MINK1: variants seen among roughly 807,000 people sequenced by gnomAD.
MINK1 encodes misshapen like kinase 1, also known as misshapen-like kinase 1.
A neutral mutation model predicts 178.4 loss-of-function variants in MINK1; 46 were observed. The ratio of observed to expected loss-of-function variants is 0.26; its 90% CI spans 0.20 to 0.33. The LOEUF is 0.33. Ranked by LOEUF, MINK1 falls within the 10% of genes least tolerant of loss-of-function variation. The pLI, the probability that MINK1 is intolerant of heterozygous loss-of-function variation, is 1.00. For missense variants in MINK1, 1,366 were observed against 1,814.9 expected (o/e 0.75, Z 4.49); for synonymous variants, 797 against 709.7 (o/e 1.12, Z -1.96).
chr17:4,852,290 C>A (rs952932925), intron 1 of MINK1, among the ~76,000 whole-genome samples: 1 of 152,070 alleles, frequency 6.6e-6, no homozygotes. Context: ...TGTATTCATT[C>A]ATTCCACAGA....
chr17:4,839,178 T>C (rs949329220), intron 1 of MINK1, among the ~76,000 whole-genome samples: 12 of 152,074 alleles, frequency 7.9e-5, no homozygotes, highest in Admixed American at 2.6e-4. Context: ...CTCCTGACCT[T>C]GTAATCTGCC....
chr17:4,896,545 T>G lies in MINK1; in HGVS notation c.3732T>G (p.Ile1244Met), dbSNP rs779379071. ...GVYVNTYGRI[I>M]KDVVLQWGEM... ...ACGTCAACACGTACGGGCGCATCAT[T>G]AAGGATGTGGTGCTGCAGTGGGGGG... is the stretch of plus-strand genomic sequence containing the variant. The change falls in exon 30 of 32, where the codon ATT (isoleucine) becomes ATG (methionine). Residue 1244 changes from isoleucine (I) to methionine (M), a missense_variant. Physicochemically the swap from Ile to Met is conservative, Grantham distance 10 (BLOSUM62 1). Coordinates refer to ENST00000355280, the MANE Select transcript of MINK1 (RefSeq NM_153827.5). This position sits in a 1 kb window ranked among gnomAD's most constrained non-coding sequence, Gnocchi z 4.6. 1.2e-6 allele frequency: 2 copies of G among 1,613,890 alleles called. No individual in the cohort carries two copies. Among genetic ancestry groups the G allele is most frequent in the Non-Finnish European group, 8.5e-7 (1 of 1,179,858 alleles).
In MINK1 at chr17:4,885,695, G is replaced by A; in HGVS notation, c.639+82G>A. On this transcript the variant is annotated intron_variant, in intron 7 of 31. Transcript: ENST00000355280. This position sits in a 1 kb window ranked among gnomAD's most constrained non-coding sequence, Gnocchi z 5.0. ...GACCACGGGGCCTGAGCAGGCTGGG[G>A]AACAGAGGAAGGTCAGATGATGTTA... 1 of 1,570,254 alleles carries A rather than the reference G, an allele frequency of 6.4e-7. No individual in the cohort carries two copies. The highest frequency in any genetic ancestry group is 8.7e-7 in the Non-Finnish European group (1 of 1,150,560).
chr17:4,834,521 G>T (rs1326325085), intron 1 of MINK1, among the ~76,000 whole-genome samples: 1 of 152,250 alleles, frequency 6.6e-6, no homozygotes, highest in Non-Finnish European at 1.5e-5. Context: ...AAGGAAAGGG[G>T]TTGAGAGGAA....
At chr17:4,891,839 G>T (rs776844443) in intron 16 of MINK1, 123 bp downstream of exon 16, 3 of 1,360,434 alleles carry the variant, frequency 2.2e-6, no homozygotes, top group Non-Finnish European at 2.9e-6. Flanking sequence ...AAGCCAGGGC[G>T]CTGCCCTGCC....
chr17:4,881,359 A>C (rs1597510975), intron 4 of MINK1, 102 bp downstream of exon 4: 1 of 1,313,758 alleles, frequency 7.6e-7, no homozygotes, highest in Non-Finnish European at 1.0e-6. Flanking sequence ...CTTGCCAGCT[A>C]CCCTCCCTCC....
At chr17:4,878,292 G>A (rs1967376897) in intron 1 of MINK1, 25 bp from the exon 2 acceptor site, 1 of 1,533,930 alleles carries the variant, frequency 6.5e-7, no homozygotes, top group East Asian at 2.4e-5. Context: ...TCTTGACACA[G>A]TATTCTTCTG....
chr17:4,849,973 G>A (rs1361817903), intron 1 of MINK1, among the ~76,000 whole-genome samples: 1 of 151,870 alleles, frequency 6.6e-6, no homozygotes, highest in Non-Finnish European at 1.5e-5. Flanking sequence ...TTGAGACACT[G>A]TCTCCCTCTG....
chr17:4,890,875 T>A, intron 14 of MINK1, 76 bp from the exon 15 acceptor site: 1 of 1,540,366 alleles, frequency 6.5e-7, no homozygotes, highest in Non-Finnish European at 8.8e-7. Flanking sequence ...GCGGGAGTAG[T>A]TAGGGCAGGT....
intron 4 of MINK1, 77 bp from the exon 5 acceptor site, chr17:4,884,286 T>C: frequency 8.9e-7 from 1 of 1,128,554 alleles, no homozygotes; most frequent in Non-Finnish European, 1.3e-6. Flanking sequence ...TCCAGGAGTC[T>C]AGCAGGGGAT....
intron 1 of MINK1, chr17:4,857,419 G>A (rs1267212420): frequency 6.6e-6 from 1 of 151,896 alleles, no homozygotes; most frequent in African/African-American, 2.4e-5. Context: ...GGCAGAGAGT[G>A]AGTGCAAAGA....
At chr17:4,861,702 T>C (rs1037940058) in intron 1 of MINK1, 3 of 292,764 alleles carry the variant, frequency 1.0e-5, no homozygotes, top group Admixed American at 7.5e-5. Context: ...AGTTTCACCA[T>C]GTTGGCCAGG....
intron 1 of MINK1, among the ~76,000 whole-genome samples, chr17:4,849,528 G>T (rs1189223804): frequency 6.6e-6 from 1 of 152,108 alleles, no homozygotes; most frequent in Non-Finnish European, 1.5e-5. Flanking sequence ...CCCCACCCCT[G>T]CTCCTCCCTT....
chr17:4,866,435 C>CACTGT (rs1914974311), intron 1 of MINK1, among the ~76,000 whole-genome samples: 1 of 151,354 alleles, frequency 6.6e-6, no homozygotes, highest in Non-Finnish European at 1.5e-5. Flanking sequence ...CCACTGAACT[C>CACTGT]CAGCCTGGTG....
At chr17:4,868,638 T>C (rs1473797432) in intron 1 of MINK1, among the ~76,000 whole-genome samples, 1 of 152,266 alleles carries the variant, frequency 6.6e-6, no homozygotes, top group Non-Finnish European at 1.5e-5. Context: ...AGATATGCCA[T>C]ATTTTATGTA....
intron 1 of MINK1, among the ~76,000 whole-genome samples, chr17:4,851,683 C>T (rs1032346558): frequency 3.8e-4 from 58 of 152,014 alleles, no homozygotes; most frequent in African/African-American, 1.2e-3. Flanking sequence ...TTGCCAACCA[C>T]GTAGGAATTC....
At chr17:4,857,781 T>C (rs974780926) in intron 1 of MINK1, among the ~76,000 whole-genome samples, 1 of 152,022 alleles carries the variant, frequency 6.6e-6, no homozygotes, top group Non-Finnish European at 1.5e-5. Flanking sequence ...ATGCTCTTTC[T>C]TACCACACAC....
chr17:4,889,550 C>T, intron 12 of MINK1, 97 bp from the exon 13 acceptor site: 2 of 1,045,586 alleles, frequency 1.9e-6, no homozygotes, highest in Middle Eastern at 2.5e-4. Flanking sequence ...TACCACCCTC[C>T]GTGGTGAGCA....
intron 1 of MINK1, among the ~76,000 whole-genome samples, chr17:4,839,602 T>G (rs1264153792): frequency 6.6e-6 from 1 of 152,216 alleles, no homozygotes; most frequent in Admixed American, 6.5e-5. Context: ...TCTTTTGCCA[T>G]TCTCCTCCGA....
Sources: gnomAD v4.1 joint callset for allele counts (sites outside exome capture counted in the v4.1 genomes callset) on GRCh38, gnomAD v4.1.1 for gene constraint, Gnocchi (gnomAD v3.1) non-coding constraint, MANE v1.5 for transcripts, NCBI Gene and HGNC (gene_info 2026-07-23, HGNC 2026-07-21) for gene names.